Variants in NAALADL2 observed in about 807,000 individuals in gnomAD.
The protein encoded by NAALADL2 is N-acetylated alpha-linked acidic dipeptidase like 2, also known as inactive N-acetylated-alpha-linked acidic dipeptidase-like protein 2.
A neutral mutation model predicts 87.2 loss-of-function variants in NAALADL2; 76 were observed. That is an observed-to-expected ratio of 0.87 (90% CI 0.72 to 1.05). The LOEUF (loss-of-function observed/expected upper bound fraction) is 1.05. NAALADL2 is among the 50% of genes least tolerant of loss of function. NAALADL2 has a pLI of 0.00. For missense variants in NAALADL2, 1,089 were observed against 945.8 expected (o/e 1.15, Z -1.99); for synonymous variants, 354 against 331.0 (o/e 1.07, Z -0.75).
chr3:175,232,995 G>C (rs1745212309), intron 2 of NAALADL2, among the ~76,000 whole-genome samples: 1 of 152,026 alleles, frequency 6.6e-6, no homozygotes, highest in Non-Finnish European at 1.5e-5. Flanking sequence ...GATTTGTCTG[G>C]CTTCTAGTAT....
chr3:175,259,206 G>A (rs1750594232), intron 4 of NAALADL2, among the ~76,000 whole-genome samples: 2 of 152,252 alleles, frequency 1.3e-5, no homozygotes, highest in South Asian at 4.1e-4. Context: ...TAATTTCTAA[G>A]CCTTCTCCAA....
chr3:174,883,626 G>A (rs1729705361), intron 1 of NAALADL2, among the ~76,000 whole-genome samples: 1 of 152,144 alleles, frequency 6.6e-6, no homozygotes, highest in Non-Finnish European at 1.5e-5. Context: ...AACAAAAGAA[G>A]GAGTGAATAC....
chr3:174,797,298 C>CTTTTGTTTTTTT (rs1718221175), intron 3 of NAALADL2, among the ~76,000 whole-genome samples: 2 of 97,728 alleles, frequency 2.0e-5, no homozygotes, highest in Admixed American at 1.0e-4. Flanking sequence ...TTTTGTTTTT[C>CTTTTGTTTTTTT]TTTTTTCTTT....
chr3:175,324,424 ATTCT>A, intron 5 of NAALADL2, 99 bp downstream of exon 5: 1 of 874,846 alleles, frequency 1.1e-6, no homozygotes, highest in South Asian at 2.3e-5. Flanking sequence ...ATGTCAAATA[ATTCT>A]TAGCATCCCA....
intron 1 of NAALADL2, among the ~76,000 whole-genome samples, chr3:174,994,622 G>A (rs1305726192): frequency 6.6e-6 from 1 of 150,626 alleles, no homozygotes; most frequent in Non-Finnish European, 1.5e-5. Context: ...ACAAAACAGA[G>A]TGTAATAAAA....
intron 5 of NAALADL2, among the ~76,000 whole-genome samples, chr3:175,341,208 T>C (rs1167634395): frequency 6.6e-6 from 1 of 152,154 alleles, no homozygotes; most frequent in Non-Finnish European, 1.5e-5. Flanking sequence ...CTGCTTTCTA[T>C]AAATTCCCAT....
chr3:175,751,941 A>G (rs1349533641), intron 12 of NAALADL2, among the ~76,000 whole-genome samples: 1 of 152,002 alleles, frequency 6.6e-6, no homozygotes, highest in East Asian at 1.9e-4. Flanking sequence ...TTTCTTTTAA[A>G]TATTTTTCCT....
At chr3:175,646,098 A>G (rs542405502) in intron 11 of NAALADL2, among the ~76,000 whole-genome samples, 68 of 152,262 alleles carry the variant, frequency 4.5e-4, no homozygotes, top group Non-Finnish European at 8.1e-4. Context: ...ATAAACGGAA[A>G]TATAAACCAT....
At chr3:174,556,008 T>TGCGC (rs1390984474) in intron 2 of NAALADL2, among the ~76,000 whole-genome samples, 6 of 94,516 alleles carry the variant, frequency 6.3e-5, no homozygotes, top group African/African-American at 2.4e-4. Context: ...TGTGTGTGTG[T>TGCGC]GCGCGCACGT....
chr3:174,461,761 A>G (rs1302663456), intron 1 of NAALADL2, among the ~76,000 whole-genome samples: 1 of 152,080 alleles, frequency 6.6e-6, no homozygotes. Flanking sequence ...TTTCTATACT[A>G]TAGTGCCCTT....
At chr3:174,555,154 A>T (rs1029119772) in intron 2 of NAALADL2, among the ~76,000 whole-genome samples, 1 of 152,210 alleles carries the variant, frequency 6.6e-6, no homozygotes, top group Non-Finnish European at 1.5e-5. Context: ...GGGAGAAAAA[A>T]TAGTATCTTT....
chr3:175,017,518 T>C (rs1486837047), intron 1 of NAALADL2, among the ~76,000 whole-genome samples: 1 of 151,998 alleles, frequency 6.6e-6, no homozygotes, highest in Non-Finnish European at 1.5e-5. Flanking sequence ...CCTGGAACCT[T>C]ATTGTATTGT....
intron 4 of NAALADL2, among the ~76,000 whole-genome samples, chr3:175,314,934 A>G (rs1318371390): frequency 1.3e-5 from 2 of 151,844 alleles, no homozygotes; most frequent in Admixed American, 6.6e-5. Context: ...GGCATTGGGT[A>G]GAAAAGATGA....
intron 1 of NAALADL2, among the ~76,000 whole-genome samples, chr3:174,913,714 C>T (rs1734007054): frequency 6.6e-6 from 1 of 152,288 alleles, no homozygotes; most frequent in Admixed American, 6.5e-5. Flanking sequence ...CTGTAATGGG[C>T]ACTCAATAAA....
chr3:174,602,775 C>T (rs1200109541), intron 2 of NAALADL2, among the ~76,000 whole-genome samples: 4 of 151,916 alleles, frequency 2.6e-5, no homozygotes, highest in Non-Finnish European at 5.9e-5. Flanking sequence ...TTATACATTG[C>T]TTTTCTTATG....
chr3:175,497,920 T>C (rs1729031394), intron 9 of NAALADL2, among the ~76,000 whole-genome samples: 1 of 152,136 alleles, frequency 6.6e-6, no homozygotes, highest in African/African-American at 2.4e-5. Flanking sequence ...AAGCACTTGA[T>C]ATAGTGCCTC....
intron 2 of NAALADL2, among the ~76,000 whole-genome samples, chr3:175,128,863 T>C (rs1212457999): frequency 6.6e-6 from 1 of 152,128 alleles, no homozygotes; most frequent in Non-Finnish European, 1.5e-5. Flanking sequence ...ACAAAAAATG[T>C]ATATATTCAA....
intron 1 of NAALADL2, among the ~76,000 whole-genome samples, chr3:174,493,180 A>C (rs1294341048): frequency 6.6e-6 from 1 of 152,188 alleles, no homozygotes. Context: ...ATTCATGTCG[A>C]AATCTTGATA....
intron 3 of NAALADL2, among the ~76,000 whole-genome samples, chr3:174,746,231 G>A (rs1734236817): frequency 6.6e-6 from 1 of 152,146 alleles, no homozygotes; most frequent in African/African-American, 2.4e-5. Context: ...CTGCAACAAA[G>A]TCTCAGGATA....
Sources: gnomAD v4.1 joint callset for allele counts (sites outside exome capture counted in the v4.1 genomes callset) on GRCh38, gnomAD v4.1.1 for gene constraint, MANE v1.5 for transcripts, NCBI Gene and HGNC (gene_info 2026-07-23, HGNC 2026-07-21) for gene names.